The following SRGAP1 variants were observed in gnomAD, a reference collection of about 807,000 sequenced individuals.
SRGAP1 encodes SLIT-ROBO Rho GTPase activating protein 1, also known as SLIT-ROBO Rho GTPase-activating protein 1.
SRGAP1 carries 43 observed loss-of-function variants against 121.9 expected under a neutral mutation model. The ratio of observed to expected loss-of-function variants is 0.35; its 90% confidence interval spans 0.28 to 0.46. SRGAP1 has a LOEUF of 0.46. SRGAP1 is among the 20% of genes least tolerant of loss of function. The pLI is 1.00. For synonymous variants in SRGAP1, 447 were observed against 485.4 expected, an observed-to-expected ratio of 0.92 and a Z score of 1.04; for missense variants, 1,102 against 1,350.9, an observed-to-expected ratio of 0.82 and a Z score of 2.89.
At chr12:64,011,306 C>T (rs1276961044) in intron 3 of SRGAP1, among the ~76,000 whole-genome samples, 1 of 152,056 alleles carries the variant, frequency 6.6e-6, no homozygotes, top group Non-Finnish European at 1.5e-5. Context: ...AAAAATTGAT[C>T]AGCCAGAATT....
intron 1 of SRGAP1, among the ~76,000 whole-genome samples, chr12:63,894,211 CTTTTT>C (rs202134463): frequency 2.0e-5 from 3 of 149,572 alleles, no homozygotes; most frequent in Non-Finnish European, 4.5e-5. Context: ...ATTTTTCTTT[CTTTTT>C]TTTTTAAAGT....
chr12:63,917,473 C>A (rs142062438), intron 1 of SRGAP1, among the ~76,000 whole-genome samples: 1 of 152,086 alleles, frequency 6.6e-6, no homozygotes, highest in Non-Finnish European at 1.5e-5. Flanking sequence ...GTGTTGGGAG[C>A]AATGTGAGTC....
intron 10 of SRGAP1, among the ~76,000 whole-genome samples, chr12:64,082,571 T>A (rs1409727503): frequency 6.6e-6 from 1 of 151,910 alleles, no homozygotes; most frequent in Non-Finnish European, 1.5e-5. Flanking sequence ...CAGCCTTGCC[T>A]GCTGAGTAGC....
intron 1 of SRGAP1, among the ~76,000 whole-genome samples, chr12:63,908,650 A>G (rs534345846): frequency 1.1e-4 from 16 of 152,284 alleles, no homozygotes; most frequent in African/African-American, 3.4e-4. Flanking sequence ...TTGGCCTCCC[A>G]AAGTTCTGGG....
Position 64,065,148 on chromosome 12 carries a change from C to T in SRGAP1, c.1054C>T (p.Gln352Ter). 6.2e-7 allele frequency: 1 copy of T among 1,613,506 alleles called. No homozygotes were observed. The highest frequency in any genetic ancestry group is 2.2e-5 in the East Asian group (1 of 44,772). ...VCQVSAQQPVQAELMLRYQQL... is the reference protein window; with the variant it reads ...VCQVSAQQPV ...CCAGGTCAGTGCCCAGCAGCCAGTC[C>T]AGGCAGAGCTCATGCTCAGGTACCA... is the stretch of plus-strand genomic sequence containing the variant. Residue 352 changes from glutamine (Q) to a stop codon, truncating the protein, a stop_gained, in exon 8 of 22, where the codon CAG (glutamine) becomes TAG (stop). Transcript: ENST00000355086. LOFTEE classifies it high-confidence loss of function.
intron 6 of SRGAP1, among the ~76,000 whole-genome samples, chr12:64,055,878 C>A (rs1318174384): frequency 1.3e-5 from 2 of 152,112 alleles, no homozygotes; most frequent in Admixed American, 6.6e-5. Flanking sequence ...GCTTAAGTAC[C>A]ATCTGATGGC....
chr12:64,092,469 T>TACATAC (rs1565677358), intron 12 of SRGAP1, among the ~76,000 whole-genome samples: 27 of 128,238 alleles, frequency 2.1e-4, no homozygotes, highest in South Asian at 5.3e-4. Flanking sequence ...TACATACATA[T>TACATAC]ATACATACAT....
chr12:63,933,400 A>G (rs994226165), intron 1 of SRGAP1, among the ~76,000 whole-genome samples: 7 of 152,122 alleles, frequency 4.6e-5, no homozygotes, highest in Non-Finnish European at 7.4e-5. Flanking sequence ...GTAGGGAAGT[A>G]TAAGGATGGA....
chr12:64,067,066 C>T (rs1041505410), intron 8 of SRGAP1, among the ~76,000 whole-genome samples: 1 of 152,134 alleles, frequency 6.6e-6, no homozygotes, highest in African/African-American at 2.4e-5. Flanking sequence ...TCTGGCCCTG[C>T]ACTGCCTCAT....
chr12:64,071,723 T>G (rs1024598880), intron 8 of SRGAP1, among the ~76,000 whole-genome samples: 4 of 152,212 alleles, frequency 2.6e-5, no homozygotes, highest in African/African-American at 9.6e-5. Flanking sequence ...TGATGTTTTC[T>G]TCCTTGGATT....
At chr12:64,130,971 C>G (rs116197288) in intron 21 of SRGAP1, among the ~76,000 whole-genome samples, 4,732 of 152,306 alleles carry the variant, frequency 0.031, 77 homozygotes, top group Middle Eastern at 0.11. Flanking sequence ...ATATCGAGGG[C>G]TGTGTTGGCT....
intron 1 of SRGAP1, among the ~76,000 whole-genome samples, chr12:63,910,802 A>AGGGACAGTGCCTTTTGGGAGATG (rs2030457322): frequency 6.6e-6 from 1 of 152,170 alleles, no homozygotes; most frequent in Non-Finnish European, 1.5e-5. Context: ...GTTGTCTTTA[A>AGGGACAGTGCCTTTTGGGAGATG]GGGACAGTGC....
At chr12:63,887,900 T>C (rs1900445683) in intron 1 of SRGAP1, 1 of 152,240 alleles carries the variant, frequency 6.6e-6, no homozygotes, top group African/African-American at 2.4e-5. Flanking sequence ...TGACAGGTAA[T>C]ATCCTGAGAA....
At position 63,893,618 on chromosome 12, in the gene SRGAP1, A is replaced by G. The variant is rs1295025338; in HGVS notation, c.67+48735A>G. Among the ~76,000 whole-genome samples the G allele has an allele frequency of 2.0e-5, 3 of 152,200 alleles. No individual in the cohort carries two copies. The East Asian group carries it at 5.8e-4, about 29-fold the overall frequency. On this transcript the variant is annotated intron_variant, in intron 1 of 21. Coordinates refer to ENST00000355086, the MANE Select transcript of SRGAP1 (RefSeq NM_020762.4). ...TGGTCCTATCCTCTCATTTTACAGAAAAGTAAACTGAAACTAGAGAGGCCA... is the reference window on the plus strand; with the variant it reads ...TGGTCCTATCCTCTCATTTTACAGAGAAGTAAACTGAAACTAGAGAGGCCA...
At chr12:63,897,753 G>A (rs755063631) in intron 1 of SRGAP1, among the ~76,000 whole-genome samples, 37 of 152,152 alleles carry the variant, frequency 2.4e-4, no homozygotes, top group Middle Eastern at 3.4e-3. Context: ...GTCTTTATTC[G>A]GAAGCTCAAA....
intron 6 of SRGAP1, among the ~76,000 whole-genome samples, chr12:64,052,042 C>T (rs1002435714): frequency 3.9e-5 from 6 of 152,196 alleles, no homozygotes; most frequent in African/African-American, 7.2e-5. Context: ...AGAACTCTAA[C>T]GTTTATTGAT....
At chr12:64,072,154 C>CG (rs11397582) in intron 8 of SRGAP1, among the ~76,000 whole-genome samples, 69,623 of 87,828 alleles carry the variant, frequency 0.79, 29,255 homozygotes, top group Non-Finnish European at 0.9. Flanking sequence ...GTGTGGGCGG[C>CG]GGGGGGGGGC....
chr12:63,985,815 AC>A (rs1274947478), intron 2 of SRGAP1, among the ~76,000 whole-genome samples: 1 of 151,810 alleles, frequency 6.6e-6, no homozygotes, highest in Non-Finnish European at 1.5e-5. Context: ...TAAAACAGAA[AC>A]CCCTCTACCC....
intron 21 of SRGAP1, among the ~76,000 whole-genome samples, chr12:64,130,965 C>A (rs2036775600): frequency 6.6e-6 from 1 of 152,210 alleles, no homozygotes; most frequent in South Asian, 2.1e-4. Context: ...GGTGCCATAT[C>A]GAGGGCTGTG....
Sources: allele counts gnomAD v4.1 joint callset (sites outside exome capture counted in the v4.1 genomes callset), GRCh38; gene constraint gnomAD v4.1.1; transcripts MANE v1.5; gene names NCBI Gene and HGNC (gene_info 2026-07-23, HGNC 2026-07-21).